Variants in CAMKMT observed in about 807,000 individuals in gnomAD.
CAMKMT encodes the protein calmodulin-lysine N-methyltransferase.
In CAMKMT, 53 loss-of-function variants were observed where a neutral mutation model predicts 48.0. The observed-to-expected ratio is 1.10, with a 90% CI of 0.89 to 1.39. The LOEUF is 1.39. Ranked by LOEUF, CAMKMT falls within the 40% of genes most tolerant of loss-of-function variation. The pLI, the probability that CAMKMT is intolerant of heterozygous loss-of-function variation, is 0.00. For synonymous variants in CAMKMT, 165 were observed against 152.3 expected (o/e 1.08, Z -0.61); for missense variants, 428 against 402.7 (o/e 1.06, Z -0.54).
At chr2:44,592,243 A>G (rs1197418614) in intron 3 of CAMKMT, among the ~76,000 whole-genome samples, 1 of 152,010 alleles carries the variant, frequency 6.6e-6, no homozygotes, top group Non-Finnish European at 1.5e-5. Flanking sequence ...ATAAACTACG[A>G]ATTCATTTTT....
At chr2:44,535,641 A>G (rs1322024864) in intron 3 of CAMKMT, among the ~76,000 whole-genome samples, 2 of 152,352 alleles carry the variant, frequency 1.3e-5, no homozygotes, top group East Asian at 3.9e-4. Context: ...CAAAAATCAT[A>G]TGACCATTTC....
chr2:44,741,348 A>G (rs1299822626), intron 7 of CAMKMT, among the ~76,000 whole-genome samples: 1 of 152,206 alleles, frequency 6.6e-6, no homozygotes, highest in African/African-American at 2.4e-5. Context: ...TAGTCTTCCA[A>G]GATAGCAGGC....
At chr2:44,382,935 C>A (rs897613113) in intron 2 of CAMKMT, among the ~76,000 whole-genome samples, 1 of 152,168 alleles carries the variant, frequency 6.6e-6, no homozygotes, top group Middle Eastern at 3.2e-3. Context: ...ACACCACATA[C>A]TGGGGGGCTT....
At chr2:44,399,435 T>C (rs1682153888) in intron 3 of CAMKMT, among the ~76,000 whole-genome samples, 1 of 152,110 alleles carries the variant, frequency 6.6e-6, no homozygotes, top group Non-Finnish European at 1.5e-5. Flanking sequence ...GCCTATCCTC[T>C]GAATTTCTTT....
intron 3 of CAMKMT, among the ~76,000 whole-genome samples, chr2:44,582,644 T>C (rs1669628217): frequency 6.6e-6 from 1 of 152,196 alleles, no homozygotes; most frequent in South Asian, 2.1e-4. Flanking sequence ...TTTTTCCTCC[T>C]AGTTAACTAC....
At chr2:44,665,231 C>T (rs1034080306) in intron 3 of CAMKMT, among the ~76,000 whole-genome samples, 5 of 151,978 alleles carry the variant, frequency 3.3e-5, no homozygotes, top group African/African-American at 4.8e-5. Flanking sequence ...CCATCATGCC[C>T]GGCTAATTTT....
At chr2:44,536,985 T>C (rs1423629935) in intron 3 of CAMKMT, among the ~76,000 whole-genome samples, 2 of 152,248 alleles carry the variant, frequency 1.3e-5, no homozygotes. Flanking sequence ...TGGACCCATA[T>C]CTCTCTCCAC....
rs146325508 is a variant in CAMKMT at position 44,549,612 on chromosome 2, C to T, written c.377-154671C>T. 328 of 682,002 alleles carry T rather than the reference C, an allele frequency of 4.8e-4. 2 individuals are homozygous for T. The African/African-American group carries it at 5.4e-3, about 11-fold the overall frequency. The allele number at this position is 682,002 out of a possible 1,614,324, so 42.2% of individuals were successfully genotyped here. A position where few individuals can be genotyped will look rare whatever the true frequency, so the allele number is the denominator to read the frequency against. On this transcript the variant is annotated intron_variant, in intron 3 of 10. Coordinates refer to ENST00000378494, the MANE Select transcript of CAMKMT (RefSeq NM_024766.5). The stretch of plus-strand genomic sequence containing the variant: ...GTGCAGTGGTGATCATAACTCAGTG[C>T]AGCCTCAAACTCCTGAACTGCTCAT...
chr2:44,413,627 G>T (rs941128074), intron 3 of CAMKMT, among the ~76,000 whole-genome samples: 3 of 151,402 alleles, frequency 2.0e-5, no homozygotes, highest in Non-Finnish European at 1.5e-5. Context: ...ACTTAAGTCA[G>T]GGTGACAGAG....
intron 3 of CAMKMT, among the ~76,000 whole-genome samples, chr2:44,401,329 G>C (rs1035698900): frequency 6.6e-6 from 1 of 152,062 alleles, no homozygotes; most frequent in Non-Finnish European, 1.5e-5. Flanking sequence ...AGGTGAGGCG[G>C]GTGGATCACC....
At chr2:44,625,886 A>T (rs1672454102) in intron 3 of CAMKMT, among the ~76,000 whole-genome samples, 1 of 151,878 alleles carries the variant, frequency 6.6e-6, no homozygotes, top group African/African-American at 2.4e-5. Flanking sequence ...CCATTATGCC[A>T]ATACCATACT....
At chr2:44,476,958 G>A (rs956893787) in intron 3 of CAMKMT, among the ~76,000 whole-genome samples, 7 of 152,150 alleles carry the variant, frequency 4.6e-5, no homozygotes, top group Admixed American at 4.6e-4. Flanking sequence ...TATTACTGAA[G>A]TAATGAAAGA....
At chr2:44,600,646 G>T (rs778848520) in intron 3 of CAMKMT, among the ~76,000 whole-genome samples, 3 of 152,038 alleles carry the variant, frequency 2.0e-5, no homozygotes, top group Non-Finnish European at 4.4e-5. Context: ...CTTGGGCAAG[G>T]TTGTTCAGTT....
chr2:44,699,912 C>T lies in CAMKMT; in HGVS notation c.377-4371C>T, dbSNP rs1314192070. The stretch of plus-strand genomic sequence containing the variant: ...TCTTTGAAGCCAGGCAGTGAATTCT[C>T]TCTAGCTACCAAAGTCCTAGATGGC... On this transcript the variant is annotated intron_variant, in intron 3 of 10. Coordinates refer to ENST00000378494, the MANE Select transcript of CAMKMT (RefSeq NM_024766.5). Among the ~76,000 whole-genome samples, 3 of 152,220 alleles carry T rather than the reference C, an allele frequency of 2.0e-5. No homozygotes were observed. In the East Asian group the frequency reaches 5.8e-4, roughly 29 times the overall value.
intron 3 of CAMKMT, among the ~76,000 whole-genome samples, chr2:44,601,165 T>C (rs975283928): frequency 3.3e-5 from 5 of 152,122 alleles, no homozygotes; most frequent in Admixed American, 6.5e-5. Flanking sequence ...ATGCCATTAC[T>C]CTTTTAGAAA....
intron 3 of CAMKMT, among the ~76,000 whole-genome samples, chr2:44,589,908 A>AAAAAAG (rs749334705): frequency 1.2e-5 from 1 of 83,884 alleles, no homozygotes; most frequent in African/African-American, 4.5e-5. Context: ...AAAAAAAAAA[A>AAAAAAG]GAACGAAAAA....
intron 3 of CAMKMT, among the ~76,000 whole-genome samples, chr2:44,700,720 CAGATATAATAATAATGA>C: frequency 6.6e-6 from 1 of 152,228 alleles, no homozygotes; most frequent in South Asian, 2.1e-4. Context: ...ATCACCATAT[CAGATATAATAATAATGA>C]AAAATTTTGA....
chr2:44,420,367 A>C (rs893762395), intron 3 of CAMKMT, among the ~76,000 whole-genome samples: 2 of 152,024 alleles, frequency 1.3e-5, no homozygotes, highest in Non-Finnish European at 2.9e-5. Context: ...ACATTGCTAG[A>C]GGGGCAATAT....
intron 3 of CAMKMT, among the ~76,000 whole-genome samples, chr2:44,398,029 G>A (rs969082148): frequency 2.1e-4 from 29 of 136,082 alleles, no homozygotes; most frequent in African/African-American, 7.2e-4. Context: ...TTTTTCCCCC[G>A]AGCAAATACT....
Sources: allele counts gnomAD v4.1 joint callset (sites outside exome capture counted in the v4.1 genomes callset), GRCh38; gene constraint gnomAD v4.1.1; transcripts MANE v1.5; gene names NCBI Gene and HGNC (gene_info 2026-07-23, HGNC 2026-07-21).